The following PIK3CA variants were observed in gnomAD, a reference collection of about 807,000 sequenced individuals.
PIK3CA encodes the protein phosphatidylinositol-4,5-bisphosphate 3-kinase catalytic subunit alpha.
A neutral mutation model predicts 138.2 loss-of-function variants in PIK3CA; 27 were observed. The observed-to-expected ratio is 0.20, with a 90% CI of 0.14 to 0.27. PIK3CA has a LOEUF of 0.27. Among genes scored for constraint, PIK3CA ranks in the 10% least tolerant of loss-of-function variants. The pLI is 1.00. For synonymous variants in PIK3CA, 358 were observed against 413.2 expected, an observed-to-expected ratio of 0.87 and a Z score of 1.62; for missense variants, 544 against 1,277.4, an observed-to-expected ratio of 0.43 and a Z score of 8.75.
At chr3:179,161,384 G>A (rs1576914119) in intron 1 of PIK3CA, among the ~76,000 whole-genome samples, 1 of 152,182 alleles carries the variant, frequency 6.6e-6, no homozygotes, top group Non-Finnish European at 1.5e-5. Context: ...CAACAGAACA[G>A]ATAGGAGAAA....
chr3:179,149,317 C>T (rs1341076716), intron 1 of PIK3CA, among the ~76,000 whole-genome samples: 4 of 152,160 alleles, frequency 2.6e-5, no homozygotes, highest in African/African-American at 7.2e-5. Context: ...TTAAGTGGCT[C>T]GGAAAGGTAG....
chr3:179,227,927 G>A (rs951858088), intron 17 of PIK3CA, among the ~76,000 whole-genome samples: 2 of 151,988 alleles, frequency 1.3e-5, no homozygotes, highest in Non-Finnish European at 2.9e-5. Flanking sequence ...TGTATCAAAG[G>A]GAAACATTTG....
At chr3:179,226,180 C>T (rs1177579820) in intron 17 of PIK3CA, 140 bp downstream of exon 17, 3 of 460,894 alleles carry the variant, frequency 6.5e-6, no homozygotes, top group African/African-American at 2.8e-5. Flanking sequence ...CACTATAGTA[C>T]TTTGACATAT....
In PIK3CA at chr3:179,234,913, A is replaced by G. The variant is rs973931721; in HGVS notation, c.*549A>G. On this transcript the variant is annotated 3_prime_UTR_variant, in exon 21 of 21. Transcript: ENST00000263967. The surrounding 1 kb of genome is among the most constrained non-coding windows in gnomAD (Gnocchi z 5.1). The stretch of plus-strand genomic sequence containing the variant: ...TTGACTGCTTGTTTAATGAAGAAAA[A>G]TGCTTGGGGTGGAAGGGACTCTTGA... 21 of 227,786 alleles carry G rather than the reference A, an allele frequency of 9.2e-5. No individual in the cohort carries two copies. The highest frequency in any genetic ancestry group is 1.6e-4 in the Non-Finnish European group (18 of 114,690). The allele number at this position is 227,786 out of a possible 1,614,324, so 14.1% of individuals were successfully genotyped here. A position where few individuals can be genotyped will look rare whatever the true frequency, so the allele number is the denominator to read the frequency against.
chr3:179,234,208 T>C lies in PIK3CA; in HGVS notation c.3051T>C (p.Asp1017=). The part of the protein sequence containing the change: ...GSGMPELQSF[D]DIAYIRKTLA... ...GAATGCCAGAACTACAATCTTTTGATGACATTGCATACATTCGAAAGACCC... is the reference window on the plus strand; with the variant it reads ...GAATGCCAGAACTACAATCTTTTGACGACATTGCATACATTCGAAAGACCC... The change falls in exon 21 of 21, where the codon GAT becomes GAC. Residue 1017 remains aspartate, a synonymous_variant. Transcript: ENST00000263967. This position sits in a 1 kb window ranked among gnomAD's most constrained non-coding sequence, Gnocchi z 5.1. 1 of 1,613,784 alleles carries C rather than the reference T, an allele frequency of 6.2e-7. No homozygotes were observed. Among genetic ancestry groups the C allele is most frequent in the Non-Finnish European group, 8.5e-7 (1 of 1,179,778 alleles).
chr3:179,157,427 C>T (rs1723165967), intron 1 of PIK3CA, among the ~76,000 whole-genome samples: 2 of 152,060 alleles, frequency 1.3e-5, no homozygotes, highest in South Asian at 4.1e-4. Context: ...AGTAATTTTA[C>T]AGTGTAGAGA....
intron 1 of PIK3CA, among the ~76,000 whole-genome samples, chr3:179,173,308 C>A (rs1455840543): frequency 1.3e-5 from 2 of 149,870 alleles, no homozygotes; most frequent in Admixed American, 1.3e-4. Flanking sequence ...CCTGTAATCC[C>A]AGCACTTTGG....
rs570308118 is a variant in PIK3CA at position 179,155,043 on chromosome 3, C to G, written c.-77+6440C>G. ...ATTTGTATAGTAAAGCCAAGGAAAT[C>G]AGTGTTGTGATGTGAAGAAAAAAAC... On this transcript the variant is annotated intron_variant, in intron 1 of 20. Transcript: ENST00000263967. Among the ~76,000 whole-genome samples the G allele has an allele frequency of 2.0e-5, 3 of 152,252 alleles. No individual in the cohort carries two copies. In the East Asian group the frequency reaches 5.8e-4, roughly 29 times the overall value.
At chr3:179,165,695 T>G (rs1237388006) in intron 1 of PIK3CA, among the ~76,000 whole-genome samples, 1 of 152,202 alleles carries the variant, frequency 6.6e-6, no homozygotes, top group East Asian at 1.9e-4. Context: ...GCATCAGCCT[T>G]CTTTTCTGTG....
intron 9 of PIK3CA, among the ~76,000 whole-genome samples, chr3:179,212,101 G>A (rs1004035289): frequency 2.0e-5 from 3 of 151,764 alleles, no homozygotes; most frequent in Non-Finnish European, 4.4e-5. Flanking sequence ...TCTGCCTCCC[G>A]GGTTCAAGTG....
chr3:179,196,784 G>A (rs1192687675), intron 1 of PIK3CA, among the ~76,000 whole-genome samples: 1 of 152,194 alleles, frequency 6.6e-6, no homozygotes, highest in African/African-American at 2.4e-5. Context: ...TGGCTATGAG[G>A]TGGAGGTGGA....
At chr3:179,228,322 T>C (rs1301211406) in intron 17 of PIK3CA, among the ~76,000 whole-genome samples, 1 of 152,040 alleles carries the variant, frequency 6.6e-6, no homozygotes, top group Non-Finnish European at 1.5e-5. Context: ...CATCTACAAA[T>C]GACCATGCAG....
intron 5 of PIK3CA, 46 bp downstream of exon 5, chr3:179,203,835 G>T (rs1251961722): frequency 7.0e-7 from 1 of 1,425,092 alleles, no homozygotes; most frequent in Non-Finnish European, 9.5e-7. Flanking sequence ...AATTATTTTA[G>T]ATAACCTTTT....
chr3:179,197,559 G>A (rs1459539052), intron 1 of PIK3CA, among the ~76,000 whole-genome samples: 5 of 152,078 alleles, frequency 3.3e-5, no homozygotes, highest in Non-Finnish European at 5.9e-5. Flanking sequence ...TATCTTATTC[G>A]TCATTAGATT....
chr3:179,208,948 TTTTG>T (rs1232837459), intron 6 of PIK3CA, among the ~76,000 whole-genome samples: 7 of 148,824 alleles, frequency 4.7e-5, no homozygotes, highest in African/African-American at 1.7e-4. Context: ...TTAGTTTTCC[TTTTG>T]TTTGACTTTT....
At chr3:179,194,368 C>A (rs537451254) in intron 1 of PIK3CA, among the ~76,000 whole-genome samples, 16 of 152,194 alleles carry the variant, frequency 1.1e-4, no homozygotes, top group African/African-American at 3.4e-4. Flanking sequence ...GGACCATAGG[C>A]ATGTGCCACC....
chr3:179,205,863 C>A (rs375380373), intron 6 of PIK3CA, among the ~76,000 whole-genome samples: 2 of 152,084 alleles, frequency 1.3e-5, no homozygotes, highest in Non-Finnish European at 2.9e-5. Flanking sequence ...AGAAGTAAAT[C>A]TCATAATGAA....
At chr3:179,149,976 A>G (rs546598552) in intron 1 of PIK3CA, among the ~76,000 whole-genome samples, 1 of 151,804 alleles carries the variant, frequency 6.6e-6, no homozygotes, top group South Asian at 2.1e-4. Context: ...AGTCTTAACA[A>G]TTTAACGTGT....
chr3:179,172,242 A>G (rs1723577553), intron 1 of PIK3CA, among the ~76,000 whole-genome samples: 1 of 152,086 alleles, frequency 6.6e-6, no homozygotes, highest in African/African-American at 2.4e-5. Context: ...AACTTCCTCA[A>G]CCTGATAAAG....
Sources: allele counts gnomAD v4.1 joint callset (sites outside exome capture counted in the v4.1 genomes callset), GRCh38; gene constraint gnomAD v4.1.1; non-coding constraint Gnocchi (gnomAD v3.1); transcripts MANE v1.5; gene names NCBI Gene and HGNC (gene_info 2026-07-23, HGNC 2026-07-21).